TENM2: variants seen among roughly 807,000 people sequenced by gnomAD.
The protein encoded by TENM2 is teneurin transmembrane protein 2, also known as teneurin-2.
Under a neutral mutation model 245.2 loss-of-function variants are expected in TENM2, and 52 were observed. The observed-to-expected ratio is 0.21, with a 90% CI of 0.17 to 0.27. The LOEUF is 0.27. TENM2 is among the 10% of genes least tolerant of loss of function. The probability of loss-of-function intolerance (pLI) is 1.00; values close to 1 mark genes in which losing one functional copy is unlikely to be tolerated. For synonymous variants in TENM2, 1,363 were observed against 1,438.9 expected (o/e 0.95, Z 1.19); for missense variants, 3,046 against 3,666.8 (o/e 0.83, Z 4.37).
intron 3 of TENM2, among the ~76,000 whole-genome samples, chr5:167,886,346 A>G (rs1431898787): frequency 6.6e-6 from 1 of 152,208 alleles, no homozygotes; most frequent in Non-Finnish European, 1.5e-5. Context: ...TGTAGTCATC[A>G]TTTACCGCAT....
At chr5:168,185,566 C>G (rs1290279476) in intron 13 of TENM2, among the ~76,000 whole-genome samples, 2 of 151,988 alleles carry the variant, frequency 1.3e-5, no homozygotes, top group Non-Finnish European at 2.9e-5. Flanking sequence ...ATCTGAGATT[C>G]AAACCCAGAT....
At position 167,360,389 on chromosome 5, in the gene TENM2, T is replaced by TA. The variant is rs145780439; in HGVS notation, c.227-14807dup. Among the ~76,000 whole-genome samples, 748 of 152,296 alleles carry TA rather than the reference T, an allele frequency of 4.9e-3. 8 individuals are homozygous for TA. The highest frequency in any genetic ancestry group is 0.017 in the African/African-American group (723 of 41,560). On this transcript the variant is annotated intron_variant, in intron 1 of 28. Transcript: ENST00000518659. The stretch of plus-strand genomic sequence containing the variant: ...AGGCTTAGCATTTAGTAAGCACCAA[T>TA]AATATTGGTCAAATGAGTTAATGGA...
chr5:167,658,547 G>A (rs1446841797), intron 2 of TENM2, among the ~76,000 whole-genome samples: 1 of 151,986 alleles, frequency 6.6e-6, no homozygotes, highest in African/African-American at 2.4e-5. Context: ...ACCTCCTAAA[G>A]GCCCCCACCT....
At chr5:167,832,515 AC>A (rs1768592576) in intron 2 of TENM2, among the ~76,000 whole-genome samples, 1 of 152,218 alleles carries the variant, frequency 6.6e-6, no homozygotes, top group Admixed American at 6.5e-5. Flanking sequence ...TGCAGAGCAA[AC>A]TGCACGATGT....
intron 26 of TENM2, 129 bp from the exon 29 acceptor site, chr5:168,246,628 C>A: frequency 1.1e-6 from 1 of 934,638 alleles, no homozygotes; most frequent in Non-Finnish European, 1.6e-6. Context: ...TCTGTTTAAT[C>A]TGGTCTAAGC....
chr5:167,945,947 C>G (rs1307937042), intron 3 of TENM2, among the ~76,000 whole-genome samples: 1 of 152,192 alleles, frequency 6.6e-6, no homozygotes, highest in Non-Finnish European at 1.5e-5. Flanking sequence ...TCTTGTTTCT[C>G]CTCCACTCTG....
intron 2 of TENM2, among the ~76,000 whole-genome samples, chr5:167,569,552 G>T (rs1582413759): frequency 6.6e-6 from 1 of 152,268 alleles, no homozygotes; most frequent in South Asian, 2.1e-4. Flanking sequence ...TTTGCCATTT[G>T]CTCCTTGTGT....
the TENM2 span, among the ~76,000 whole-genome samples, chr5:167,237,788 G>A: frequency 2.0e-5 from 3 of 152,002 alleles, no homozygotes; most frequent in Non-Finnish European, 4.4e-5. Flanking sequence ...CGAGGTGGGT[G>A]GATCATGAGG....
chr5:167,030,051 C>T, the TENM2 span, among the ~76,000 whole-genome samples: 1 of 152,156 alleles, frequency 6.6e-6, no homozygotes, highest in Admixed American at 6.5e-5. Context: ...CAAATTAAAT[C>T]CATGATCGTC....
chr5:167,627,806 C>T (rs990106246), intron 2 of TENM2, among the ~76,000 whole-genome samples: 3 of 152,140 alleles, frequency 2.0e-5, no homozygotes, highest in Non-Finnish European at 4.4e-5. Context: ...ATCCACCTGC[C>T]TCAGCCTCCC....
chr5:167,140,796 G>A, the TENM2 span, among the ~76,000 whole-genome samples: 1 of 152,158 alleles, frequency 6.6e-6, no homozygotes, highest in African/African-American at 2.4e-5. Context: ...CAAGATGAGA[G>A]AAGGATGTGT....
intron 2 of TENM2, among the ~76,000 whole-genome samples, chr5:167,435,982 T>TC (rs1764533019): frequency 6.9e-6 from 1 of 144,696 alleles, no homozygotes; most frequent in Admixed American, 6.9e-5. Context: ...TTTCTTTTTT[T>TC]TTTTTTTTTT....
chr5:167,847,046 T>C (rs910402306), intron 2 of TENM2, among the ~76,000 whole-genome samples: 1 of 152,158 alleles, frequency 6.6e-6, no homozygotes, highest in African/African-American at 2.4e-5. Context: ...AGTCTCAACC[T>C]CCTGGGCTCA....
At chr5:167,695,800 C>T (rs926707338) in intron 2 of TENM2, among the ~76,000 whole-genome samples, 30 of 151,104 alleles carry the variant, frequency 2.0e-4, no homozygotes, top group African/African-American at 6.6e-4. Flanking sequence ...TTTGGGAGGC[C>T]GAGGTGGGCG....
intron 1 of TENM2, among the ~76,000 whole-genome samples, chr5:167,285,627 A>G (rs1410663504): frequency 1.3e-5 from 2 of 152,176 alleles, no homozygotes; most frequent in Non-Finnish European, 2.9e-5. Flanking sequence ...CTTCATGTCC[A>G]ATATTTATAA....
the TENM2 span, among the ~76,000 whole-genome samples, chr5:167,249,477 C>T: frequency 6.6e-6 from 1 of 152,108 alleles, no homozygotes; most frequent in African/African-American, 2.4e-5. Context: ...CTGTCTCTCA[C>T]CTCCTCCTTA....
intron 2 of TENM2, among the ~76,000 whole-genome samples, chr5:167,795,254 A>G (rs917552954): frequency 2.0e-5 from 3 of 152,184 alleles, no homozygotes; most frequent in African/African-American, 4.8e-5. Flanking sequence ...AGAAAGATTA[A>G]TGTGGTCAAA....
chr5:167,705,467 C>A lies in TENM2; in HGVS notation c.503-170519C>A, dbSNP rs574067257. Among the ~76,000 whole-genome samples the A allele has an allele frequency of 4.6e-5, 7 of 152,266 alleles. No individual in the cohort carries two copies. In the East Asian group the frequency reaches 9.6e-4, roughly 21 times the overall value. On this transcript the variant is annotated intron_variant, in intron 2 of 28. Coordinates refer to ENST00000518659, the Ensembl canonical transcript of TENM2. ...TTTAGAAGACGTTCTTTATGATTAA[C>A]CTGTGGCTGTATTATTGGACTCCTC...
chr5:167,472,053 G>A (rs116414114), intron 2 of TENM2, among the ~76,000 whole-genome samples: 164 of 152,236 alleles, frequency 1.1e-3, no homozygotes, highest in Non-Finnish European at 2.0e-3. Flanking sequence ...GAAGTTAATG[G>A]TAATCCAGCC....
Sources: gnomAD v4.1 joint callset for allele counts (sites outside exome capture counted in the v4.1 genomes callset) on GRCh38, gnomAD v4.1.1 for gene constraint, MANE v1.5 for transcripts, NCBI Gene and HGNC (gene_info 2026-07-23, HGNC 2026-07-21) for gene names.